Variants in ITGB2 observed in about 807,000 individuals in gnomAD.
The protein encoded by ITGB2 is integrin subunit beta 2.
A neutral mutation model predicts 86.8 loss-of-function variants in ITGB2; 56 were observed. The observed-to-expected ratio is 0.65, with a 90% CI of 0.52 to 0.81. The LOEUF (loss-of-function observed/expected upper bound fraction) is 0.81, where lower values mean the gene tolerates loss of function less well. Among genes scored for constraint, ITGB2 ranks in the 30% least tolerant of loss-of-function variants. The probability of loss-of-function intolerance (pLI) is 0.00; values close to 1 mark genes in which losing one functional copy is unlikely to be tolerated. For missense variants in ITGB2, 948 were observed against 1,061.2 expected (o/e 0.89, Z 1.48); for synonymous variants, 457 against 450.4 (o/e 1.01, Z -0.19).
chr21:44,890,176 C>T lies in ITGB2; in HGVS notation c.1459G>A (p.Gly487Ser). 6.2e-7 allele frequency: 1 copy of T among 1,613,322 alleles called. No homozygotes were observed. The highest frequency in any genetic ancestry group is 1.3e-5 in the African/African-American group (1 of 75,034). ...CCTTCCAGCTCCTGGCTGCTCCGGC[C>T]CTGTGTCTGGCACTCACAGTTTTTC... is the stretch of plus-strand genomic sequence containing the variant. Reference protein sequence around the residue: ...IGKNCECQTQGRSSQELEGSC... With the variant: ...IGKNCECQTQSRSSQELEGSC... Residue 487 changes from glycine to serine, a missense_variant, in exon 12 of 16, where the codon GGC becomes AGC. Transcript: ENST00000652462.
chr21:44,886,542 C>T (rs564551987), intron 15 of ITGB2, 112 bp from the exon 16 acceptor site: 53 of 1,415,012 alleles, frequency 3.7e-5, no homozygotes, highest in African/African-American at 1.7e-4. Context: ...AAGAGCTAGA[C>T]GTGGGGCAGC....
At chr21:44,915,749 A>G (rs1449020565) in intron 1 of ITGB2, among the ~76,000 whole-genome samples, 2 of 152,146 alleles carry the variant, frequency 1.3e-5, no homozygotes. Context: ...AAATCCAGGG[A>G]CAAAAACAGG....
chr21:44,925,811 G>A (rs2084365851), upstream of ITGB2, among the ~76,000 whole-genome samples: 1 of 152,332 alleles, frequency 6.6e-6, no homozygotes, highest in South Asian at 2.1e-4. Flanking sequence ...GGGCGCGGGG[G>A]CTCACGCCTG....
intron 1 of ITGB2, among the ~76,000 whole-genome samples, chr21:44,919,356 G>C (rs1412376766): frequency 6.6e-6 from 1 of 152,264 alleles, no homozygotes; most frequent in Non-Finnish European, 1.5e-5. Context: ...CTGGGTGCCA[G>C]GCTGGCAGGG....
intron 13 of ITGB2, 98 bp downstream of exon 13, chr21:44,889,178 A>G: frequency 8.4e-7 from 1 of 1,195,448 alleles, no homozygotes; most frequent in Non-Finnish European, 1.2e-6. Flanking sequence ...CCCGCGGTGC[A>G]GAGGTGCTCA....
intron 4 of ITGB2, among the ~76,000 whole-genome samples, chr21:44,905,803 C>T (rs2084033944): frequency 6.6e-6 from 1 of 152,174 alleles, no homozygotes; most frequent in Non-Finnish European, 1.5e-5. Context: ...CTCACTGTCT[C>T]CCAGCTGCCT....
In ITGB2 at chr21:44,886,895, C is replaced by G. The variant is rs2083707843; in HGVS notation, c.2088G>C (p.Val696=). 1 of 1,612,930 alleles carries G rather than the reference C, an allele frequency of 6.2e-7. No homozygotes were observed. Among genetic ancestry groups the G allele is most frequent in the African/African-American group, 1.3e-5 (1 of 74,918 alleles). ...LIYVDESREC[V]AGPNIAAIVG... is the part of the protein sequence containing the mutation. ...CGATGGCGGCGATGTTGGGGCCTGCCACACACTCTAGGGAAGAAGCAGCAC... is the reference window on the plus strand; with the variant it reads ...CGATGGCGGCGATGTTGGGGCCTGCGACACACTCTAGGGAAGAAGCAGCAC... Residue 696 remains valine (V), a synonymous_variant, in exon 15 of 16, where the codon GTG becomes GTC. Coordinates refer to ENST00000652462, the MANE Select transcript of ITGB2 (RefSeq NM_000211.5).
At chr21:44,911,059 GCA>G in intron 1 of ITGB2, 31 of 542,788 alleles carry the variant, frequency 5.7e-5, no homozygotes, top group Middle Eastern at 5.1e-4. Context: ...CACAACACAG[GCA>G]CACACACACA....
At chr21:44,912,726 C>T (rs924539183) in intron 1 of ITGB2, among the ~76,000 whole-genome samples, 2 of 152,092 alleles carry the variant, frequency 1.3e-5, no homozygotes, top group Non-Finnish European at 2.9e-5. Flanking sequence ...GACCTCGGTG[C>T]CACGAGTGCC....
intron 8 of ITGB2, among the ~76,000 whole-genome samples, chr21:44,897,262 T>C (rs1480202290): frequency 6.6e-6 from 1 of 152,222 alleles, no homozygotes; most frequent in Non-Finnish European, 1.5e-5. Context: ...TCCCTGTAGT[T>C]CAGCAAATGT....
intron 1 of ITGB2, among the ~76,000 whole-genome samples, chr21:44,918,194 T>G (rs561539216): frequency 6.6e-6 from 1 of 152,240 alleles, no homozygotes; most frequent in Non-Finnish European, 1.5e-5. Context: ...CACTGACCCC[T>G]GTGGCAGCTG....
chr21:44,888,764 CA>C lies in ITGB2; in HGVS notation c.2008del (p.Cys670AlafsTer45). ...RTCKERDSEG[C>X]WVAYTLEQQD... ...CTGCTCCAGCGTGTAGGCCACCCAG[CA>C]GCCCTCTGAGTCCCTCTCCTTGCAG... On this transcript the variant is annotated frameshift_variant, in exon 14 of 16. Transcript: ENST00000652462. LOFTEE classifies it high-confidence loss of function. 2 of 1,611,990 alleles carry C rather than the reference CA, an allele frequency of 1.2e-6. No individual in the cohort carries two copies. The highest frequency in any genetic ancestry group is 1.7e-6 in the Non-Finnish European group (2 of 1,179,984).
chr21:44,900,246 G>A, intron 7 of ITGB2, 74 bp downstream of exon 7: 1 of 1,588,336 alleles, frequency 6.3e-7, no homozygotes, highest in Non-Finnish European at 8.6e-7. Context: ...CTGTCAGGTG[G>A]AGACCCCACC....
At chr21:44,901,870 G>A in intron 5 of ITGB2, 137 bp from the exon 6 acceptor site, 1 of 934,910 alleles carries the variant, frequency 1.1e-6, no homozygotes, top group Non-Finnish European at 1.6e-6. Context: ...CACATGTGGA[G>A]TGTGTGTGTG....
At chr21:44,915,653 G>C (rs1037341388) in intron 1 of ITGB2, among the ~76,000 whole-genome samples, 5 of 152,198 alleles carry the variant, frequency 3.3e-5, no homozygotes, top group African/African-American at 1.2e-4. Flanking sequence ...ACTCATTTCT[G>C]CTTTGTAGGA....
chr21:44,914,690 A>C (rs2084178372), intron 1 of ITGB2, among the ~76,000 whole-genome samples: 1 of 152,230 alleles, frequency 6.6e-6, no homozygotes, highest in African/African-American at 2.4e-5. Context: ...TGAGAGGCCA[A>C]GGCAGGAGAA....
At chr21:44,893,885 C>CA (rs2083825701) in intron 9 of ITGB2, 1 of 357,382 alleles carries the variant, frequency 2.8e-6, no homozygotes, top group Non-Finnish European at 5.5e-6. Flanking sequence ...TGGGGAGAAA[C>CA]AGAGAGAGGC....
rs1016054836 is a variant in ITGB2, at chr21:44,899,874, G to A, written c.897+446C>T. Reference sequence around the variant, plus strand: ...CCAGCTCAGGCAATGGGGGCAGGGAGGGGCCACACTGGAGGAGGCGGACTC... The same window carrying A: ...CCAGCTCAGGCAATGGGGGCAGGGAAGGGCCACACTGGAGGAGGCGGACTC... On this transcript the variant is annotated intron_variant, in intron 7 of 15. Coordinates refer to ENST00000652462, the MANE Select transcript of ITGB2 (RefSeq NM_000211.5). Among the ~76,000 whole-genome samples, 5 of 152,232 alleles carry A rather than the reference G, an allele frequency of 3.3e-5. No homozygotes were observed. In the South Asian group the frequency reaches 8.3e-4, roughly 25 times the overall value.
At chr21:44,915,862 C>T (rs2084201772) in intron 1 of ITGB2, among the ~76,000 whole-genome samples, 1 of 152,178 alleles carries the variant, frequency 6.6e-6, no homozygotes, top group South Asian at 2.1e-4. Context: ...TCCCAAGGGT[C>T]AGGGAGACGT....
Sources: allele counts gnomAD v4.1 joint callset (sites outside exome capture counted in the v4.1 genomes callset), GRCh38; gene constraint gnomAD v4.1.1; transcripts MANE v1.5; gene names NCBI Gene and HGNC (gene_info 2026-07-23, HGNC 2026-07-21).